Variants in CTNNA2 observed in about 807,000 individuals in gnomAD.
CTNNA2 encodes the protein catenin alpha 2.
A neutral mutation model predicts 101.0 loss-of-function variants in CTNNA2; 42 were observed. The observed-to-expected ratio is 0.42, with a 90% confidence interval of 0.32 to 0.54. The LOEUF (loss-of-function observed/expected upper bound fraction) is 0.54. Ranked by LOEUF, CTNNA2 falls within the 20% of genes least tolerant of loss-of-function variation. CTNNA2 has a pLI of 0.14. For missense variants in CTNNA2, 871 were observed against 1,223.1 expected, an observed-to-expected ratio of 0.71 and a Z score of 4.29; for synonymous variants, 450 against 456.4, an observed-to-expected ratio of 0.99 and a Z score of 0.18.
intron 18 of CTNNA2, among the ~76,000 whole-genome samples, chr2:80,622,858 AAGT>A (rs1468736957): frequency 1.4e-5 from 2 of 146,304 alleles, no homozygotes; most frequent in Non-Finnish European, 3.1e-5. Context: ...AGAACTTAGT[AAGT>A]AAACAAGGAC....
chr2:80,574,522 G>A (rs1170566505), intron 13 of CTNNA2, among the ~76,000 whole-genome samples: 1 of 152,032 alleles, frequency 6.6e-6, no homozygotes, highest in Admixed American at 6.6e-5. Flanking sequence ...TATTCTGAAG[G>A]GCAACACCCT....
intron 4 of CTNNA2, among the ~76,000 whole-genome samples, chr2:79,418,066 GA>G (rs1423851082): frequency 2.0e-5 from 3 of 152,034 alleles, no homozygotes; most frequent in Non-Finnish European, 4.4e-5. Flanking sequence ...GATGAGAGAT[GA>G]AATCATAGGG....
chr2:80,117,081 C>A (rs537265241), intron 7 of CTNNA2, among the ~76,000 whole-genome samples: 31 of 152,226 alleles, frequency 2.0e-4, no homozygotes, highest in African/African-American at 7.2e-4. Flanking sequence ...GAGTACCTTT[C>A]CACTATGAAG....
intron 7 of CTNNA2, among the ~76,000 whole-genome samples, chr2:80,277,745 T>C (rs780117803): frequency 2.6e-4 from 40 of 152,166 alleles, no homozygotes; most frequent in Non-Finnish European, 5.9e-4. Flanking sequence ...GGGAATTCTT[T>C]TTCCCTTGAG....
rs531835012 is a variant in CTNNA2 at position 79,185,936 on chromosome 2, GT to G, written c.-524+511del. Among the ~76,000 whole-genome samples, 200 of 152,276 alleles carry G rather than the reference GT, an allele frequency of 1.3e-3. 1 individual carries two copies. The highest frequency in any genetic ancestry group is 3.1e-3 in the Admixed American group (48 of 15,288). ...ATCAACAGGCTATTGTCAGATATATGTTTTTTAAGACAGCACACCAGCAGCT... is the reference window on the plus strand; with the variant it reads ...ATCAACAGGCTATTGTCAGATATATGTTTTTAAGACAGCACACCAGCAGCT... On this transcript the variant is annotated intron_variant, in intron 1 of 21. Transcript: ENST00000466387.
At chr2:79,860,682 A>G (rs951358194) in intron 4 of CTNNA2, among the ~76,000 whole-genome samples, 10 of 150,836 alleles carry the variant, frequency 6.6e-5, no homozygotes, top group Middle Eastern at 3.2e-3. Flanking sequence ...TGTTCTACTT[A>G]GAGTGCAGTG....
chr2:79,493,148 T>C (rs1036868044), intron 4 of CTNNA2, among the ~76,000 whole-genome samples: 2 of 151,906 alleles, frequency 1.3e-5, no homozygotes, highest in Admixed American at 1.3e-4. Context: ...CCATTGTTAT[T>C]TAACATCATA....
intron 2 of CTNNA2, among the ~76,000 whole-genome samples, chr2:79,728,290 T>A (rs1403497724): frequency 5.9e-5 from 9 of 152,210 alleles, no homozygotes; most frequent in African/African-American, 1.7e-4. Flanking sequence ...TGAGATGGTA[T>A]CTCATTGTGG....
rs1396918319 is a variant in CTNNA2 at position 79,432,015 on chromosome 2, T to C, written c.-135+58002T>C. Among the ~76,000 whole-genome samples, 3 of 152,204 alleles carry C rather than the reference T, an allele frequency of 2.0e-5. No homozygotes were observed. The East Asian group carries it at 5.8e-4, about 29-fold the overall frequency. On this transcript the variant is annotated intron_variant, in intron 4 of 21. Transcript: ENST00000466387. Reference sequence around the variant, plus strand: ...TTACAGTACTACTGGAAAGATATTATAGGTGACTTCCAACATGGAGATGAG... The same window carrying C: ...TTACAGTACTACTGGAAAGATATTACAGGTGACTTCCAACATGGAGATGAG...
chr2:80,107,061 T>A (rs1700932171), intron 7 of CTNNA2, among the ~76,000 whole-genome samples: 1 of 152,194 alleles, frequency 6.6e-6, no homozygotes, highest in South Asian at 2.1e-4. Context: ...CTCCCAACAG[T>A]GCCCTGTTGA....
chr2:79,496,061 A>C (rs1237626346), intron 4 of CTNNA2, among the ~76,000 whole-genome samples: 1 of 152,178 alleles, frequency 6.6e-6, no homozygotes, highest in Non-Finnish European at 1.5e-5. Flanking sequence ...AAAATGTTCT[A>C]AAAATAGATA....
chr2:79,217,216 C>T (rs182209142), intron 2 of CTNNA2, among the ~76,000 whole-genome samples: 119 of 152,190 alleles, frequency 7.8e-4, no homozygotes, highest in African/African-American at 2.7e-3. Context: ...GCCCTGAGAT[C>T]GTAAGTGGAT....
chr2:79,296,246 G>A (rs778783798), intron 2 of CTNNA2, among the ~76,000 whole-genome samples: 1 of 152,158 alleles, frequency 6.6e-6, no homozygotes, highest in Non-Finnish European at 1.5e-5. Flanking sequence ...ATATCCAGCT[G>A]TAGAATGGAG....
At chr2:80,012,903 G>A (rs774795476) in intron 7 of CTNNA2, among the ~76,000 whole-genome samples, 7 of 152,210 alleles carry the variant, frequency 4.6e-5, no homozygotes, top group African/African-American at 1.2e-4. Flanking sequence ...AGTGGCTCAC[G>A]CCTGTAATCC....
At chr2:80,016,961 C>G (rs1694193461) in intron 7 of CTNNA2, among the ~76,000 whole-genome samples, 1 of 152,178 alleles carries the variant, frequency 6.6e-6, no homozygotes, top group Admixed American at 6.5e-5. Flanking sequence ...ATCAAAGCCT[C>G]TCATTTAATT....
Position 80,303,833 on chromosome 2 carries a change from T to C in CTNNA2, c.1057-89378T>C, listed in dbSNP as rs771544781. On this transcript the variant is annotated intron_variant, in intron 7 of 18. Transcript: ENST00000402739. This position sits in a 1 kb window ranked among gnomAD's most constrained non-coding sequence, Gnocchi z 7.7. Reference sequence around the variant, plus strand: ...CAGGAAATCCATTAGCGAGAATCTTTCCAGAGAGACTGGAGAATGTCCATT... The same window carrying C: ...CAGGAAATCCATTAGCGAGAATCTTCCCAGAGAGACTGGAGAATGTCCATT... 1.3e-6 allele frequency: 2 copies of C among 1,499,676 alleles called. No homozygotes were observed. Among genetic ancestry groups the C allele is most frequent in the Non-Finnish European group, 1.8e-6 (2 of 1,124,048 alleles). The allele number at this position is 1,499,676 out of a possible 1,614,324, so 92.9% of individuals were successfully genotyped here.
chr2:79,771,510 G>A (rs1673576555), intron 3 of CTNNA2, among the ~76,000 whole-genome samples: 1 of 152,192 alleles, frequency 6.6e-6, no homozygotes. Context: ...CCCTGAGCTT[G>A]TTTTCCTGCA....
At chr2:80,063,090 G>T (rs907099153) in intron 7 of CTNNA2, among the ~76,000 whole-genome samples, 3 of 152,160 alleles carry the variant, frequency 2.0e-5, no homozygotes, top group Non-Finnish European at 4.4e-5. Flanking sequence ...ATTCTCTCTT[G>T]CCTTTGTATT....
chr2:79,700,603 G>A (rs1360825442), intron 2 of CTNNA2, among the ~76,000 whole-genome samples: 1 of 152,098 alleles, frequency 6.6e-6, no homozygotes, highest in Admixed American at 6.6e-5. Context: ...TAGCGATTGG[G>A]ATGCCATAAA....
Sources: allele counts gnomAD v4.1 joint callset (sites outside exome capture counted in the v4.1 genomes callset), GRCh38; gene constraint gnomAD v4.1.1; non-coding constraint Gnocchi (gnomAD v3.1); transcripts MANE v1.5; gene names NCBI Gene and HGNC (gene_info 2026-07-23, HGNC 2026-07-21).